Variants in HHAT observed in about 807,000 individuals in gnomAD.
HHAT encodes the protein protein-cysteine N-palmitoyltransferase HHAT.
Under a neutral mutation model 70.8 loss-of-function variants are expected in HHAT, and 47 were observed. The ratio of observed to expected loss-of-function variants is 0.66; its 90% confidence interval spans 0.53 to 0.85. The LOEUF (loss-of-function observed/expected upper bound fraction) is 0.85, where lower values mean the gene tolerates loss of function less well. Ranked by LOEUF, HHAT falls within the 40% of genes least tolerant of loss-of-function variation. The pLI is 0.00. For synonymous variants in HHAT, 228 were observed against 247.6 expected, an observed-to-expected ratio of 0.92 and a Z score of 0.74; for missense variants, 609 against 604.8, an observed-to-expected ratio of 1.01 and a Z score of -0.07.
At chr1:210,498,718 G>C (rs1385942209) in intron 8 of HHAT, among the ~76,000 whole-genome samples, 2 of 151,976 alleles carry the variant, frequency 1.3e-5, no homozygotes, top group East Asian at 3.9e-4. Context: ...ATTATGAAAG[G>C]CCAGGCACTC....
intron 7 of HHAT, among the ~76,000 whole-genome samples, chr1:210,451,036 G>C (rs1001523886): frequency 2.0e-5 from 3 of 147,208 alleles, no homozygotes; most frequent in Admixed American, 6.9e-5. Context: ...GCAGTGAGCC[G>C]AGATCATGCC....
intron 3 of HHAT, among the ~76,000 whole-genome samples, chr1:210,376,832 G>A (rs1191120775): frequency 6.6e-6 from 1 of 152,214 alleles, no homozygotes; most frequent in Non-Finnish European, 1.5e-5. Flanking sequence ...TAGAAAGGTG[G>A]TAGCTGGGAT....
intron 4 of HHAT, among the ~76,000 whole-genome samples, chr1:210,392,390 A>C (rs1357741030): frequency 5.3e-5 from 8 of 151,732 alleles, no homozygotes; most frequent in South Asian, 2.1e-4. Context: ...GTGTTTCTTA[A>C]ATTTTTTTCA....
chr1:210,404,344 C>T (rs2092232871), intron 5 of HHAT, 120 bp from the exon 6 acceptor site: 5 of 719,008 alleles, frequency 7.0e-6, no homozygotes, highest in Admixed American at 2.6e-5. Flanking sequence ...AAGAAATTGC[C>T]TTCCCAGAGC....
chr1:210,632,476 C>T (rs1370579509), intron 11 of HHAT, among the ~76,000 whole-genome samples: 2 of 152,172 alleles, frequency 1.3e-5, no homozygotes, highest in African/African-American at 2.4e-5. Context: ...CATGAGGAAG[C>T]TAGCCTGGCT....
intron 8 of HHAT, among the ~76,000 whole-genome samples, chr1:210,486,573 A>C (rs1043880659): frequency 6.6e-6 from 1 of 152,218 alleles, no homozygotes; most frequent in Non-Finnish European, 1.5e-5. Context: ...GAGTGGACAG[A>C]GTCCACACCC....
chr1:210,524,211 AC>A (rs560411410), intron 9 of HHAT, among the ~76,000 whole-genome samples: 210 of 152,298 alleles, frequency 1.4e-3, no homozygotes, highest in Non-Finnish European at 2.6e-3. Flanking sequence ...GTACTTAAAA[AC>A]CTGTTAACAG....
intron 8 of HHAT, among the ~76,000 whole-genome samples, chr1:210,497,430 C>T (rs2148532783): frequency 6.6e-6 from 1 of 152,298 alleles, no homozygotes; most frequent in Non-Finnish European, 1.5e-5. Flanking sequence ...AAAGTAAAAA[C>T]ATATGGCCTC....
At chr1:210,565,358 G>A (rs756049516) in intron 9 of HHAT, among the ~76,000 whole-genome samples, 13 of 152,350 alleles carry the variant, frequency 8.5e-5, no homozygotes, top group Non-Finnish European at 1.8e-4. Flanking sequence ...TAGGTTGGAT[G>A]TAAGCTCTTA....
chr1:210,335,757 A>G (rs1303602410), intron 1 of HHAT, among the ~76,000 whole-genome samples: 1 of 152,216 alleles, frequency 6.6e-6, no homozygotes, highest in Admixed American at 6.5e-5. Flanking sequence ...ACCTCATCTC[A>G]TATACAAAAA....
At chr1:210,494,364 CAA>C (rs2094597653) in intron 8 of HHAT, among the ~76,000 whole-genome samples, 1 of 151,946 alleles carries the variant, frequency 6.6e-6, no homozygotes, top group Non-Finnish European at 1.5e-5. Context: ...GGATATATCT[CAA>C]AGTAGAGCTA....
At chr1:210,374,305 C>G (rs182506737) in intron 3 of HHAT, 19 of 152,234 alleles carry the variant, frequency 1.2e-4, no homozygotes, top group African/African-American at 3.6e-4. Flanking sequence ...TTGCAGTAAC[C>G]GCAACTCCTA....
chr1:210,479,938 C>T (rs1009615172), intron 8 of HHAT, among the ~76,000 whole-genome samples: 4 of 152,158 alleles, frequency 2.6e-5, no homozygotes, highest in African/African-American at 9.7e-5. Context: ...AGTTCTGTCA[C>T]CTCGGTCAAG....
intron 11 of HHAT, among the ~76,000 whole-genome samples, chr1:210,648,573 G>A (rs746429395): frequency 5.9e-5 from 9 of 152,092 alleles, no homozygotes; most frequent in Non-Finnish European, 1.0e-4. Flanking sequence ...TTTTTCCTCC[G>A]TATCCAATCT....
At chr1:210,558,965 A>G (rs763191528) in intron 9 of HHAT, among the ~76,000 whole-genome samples, 20 of 152,314 alleles carry the variant, frequency 1.3e-4, no homozygotes, top group Middle Eastern at 3.4e-3. Context: ...TGTTTATTTC[A>G]TAGTGATATC....
chr1:210,519,529 T>TC (rs1220447609), intron 9 of HHAT, among the ~76,000 whole-genome samples: 1 of 123,814 alleles, frequency 8.1e-6, no homozygotes, highest in Non-Finnish European at 1.5e-5. Flanking sequence ...TTTCTTTGCT[T>TC]TTTTTTTTTT....
intron 9 of HHAT, among the ~76,000 whole-genome samples, chr1:210,521,610 G>C (rs567267376): frequency 6.6e-6 from 1 of 152,278 alleles, no homozygotes; most frequent in South Asian, 2.1e-4. Context: ...TGATGAAGAA[G>C]TCTGCTCACC....
intron 11 of HHAT, among the ~76,000 whole-genome samples, chr1:210,644,506 G>A (rs923008607): frequency 2.0e-5 from 3 of 151,298 alleles, no homozygotes; most frequent in Non-Finnish European, 2.9e-5. Context: ...AGGAGTCTGA[G>A]GCAGGATAAT....
chr1:210,463,927 T>C (rs973030071), intron 7 of HHAT, among the ~76,000 whole-genome samples: 2 of 152,132 alleles, frequency 1.3e-5, no homozygotes, highest in East Asian at 3.8e-4. Flanking sequence ...ATGTATGAGG[T>C]GTGTGAGATA....
Sources: allele counts gnomAD v4.1 joint callset (sites outside exome capture counted in the v4.1 genomes callset), GRCh38; gene constraint gnomAD v4.1.1; transcripts MANE v1.5; gene names NCBI Gene and HGNC (gene_info 2026-07-23, HGNC 2026-07-21).